ITGA4: variants seen among roughly 807,000 people sequenced by gnomAD.
ITGA4 encodes the protein integrin alpha-4.
ITGA4 carries 63 observed loss-of-function variants against 133.6 expected under a neutral mutation model. That is an observed-to-expected ratio of 0.47 (90% CI 0.38 to 0.58). ITGA4 has a LOEUF of 0.58. ITGA4 is among the 20% of genes least tolerant of loss of function. ITGA4 has a pLI of 0.00. For synonymous variants in ITGA4, 483 were observed against 438.0 expected (o/e 1.10, Z -1.28); for missense variants, 1,076 against 1,252.7 (o/e 0.86, Z 2.13).
At chr2:181,460,353 G>A (rs1182853681) in intron 2 of ITGA4, among the ~76,000 whole-genome samples, 1 of 152,170 alleles carries the variant, frequency 6.6e-6, no homozygotes, top group East Asian at 1.9e-4. Flanking sequence ...TATTCCTCAT[G>A]TAAAGAAACT....
At position 181,513,146 on chromosome 2, in the gene ITGA4, G is replaced by T. The variant is rs575892072; in HGVS notation, c.1922+1371G>T. Among the ~76,000 whole-genome samples, 26 of 151,838 alleles carry T rather than the reference G, an allele frequency of 1.7e-4. 1 individual carries two copies. The Middle Eastern group carries it at 0.014, about 80-fold the overall frequency. The stretch of plus-strand genomic sequence containing the variant: ...TGTTTTTGATGGATCTTTGGGTTTG[G>T]CACCCTAAATGGTCCTCCCTCAGCC... On this transcript the variant is annotated intron_variant, in intron 17 of 27. Transcript: ENST00000397033.
At chr2:181,490,145 C>T (rs532500847) in intron 10 of ITGA4, among the ~76,000 whole-genome samples, 10 of 152,252 alleles carry the variant, frequency 6.6e-5, no homozygotes, top group Non-Finnish European at 1.5e-4. Flanking sequence ...ATAACATAAC[C>T]AATTAGGTCG....
chr2:181,519,661 A>G (rs1224508980), intron 17 of ITGA4, among the ~76,000 whole-genome samples: 1 of 152,134 alleles, frequency 6.6e-6, no homozygotes, highest in Non-Finnish European at 1.5e-5. Context: ...CCATTAATTC[A>G]TAGGTCATTT....
intron 2 of ITGA4, among the ~76,000 whole-genome samples, chr2:181,471,329 T>C (rs1341773279): frequency 6.6e-6 from 1 of 152,202 alleles, no homozygotes; most frequent in Non-Finnish European, 1.5e-5. Context: ...ATGACAAAGA[T>C]ACAGTCCTGG....
In ITGA4 at chr2:181,505,682, C is replaced by G. The variant is rs899866313; in HGVS notation, c.1696-3976C>G. On this transcript the variant is annotated intron_variant, in intron 15 of 27. Transcript: ENST00000397033. ...GAATATCTGTCAAATACAGTTTTTGCAAGAGTGCATGTACATTTTATATAT... is the reference window on the plus strand; with the variant it reads ...GAATATCTGTCAAATACAGTTTTTGGAAGAGTGCATGTACATTTTATATAT... Among the ~76,000 whole-genome samples, 5 of 151,948 alleles carry G rather than the reference C, an allele frequency of 3.3e-5. No individual in the cohort carries two copies. The South Asian group carries it at 1.0e-3, about 31-fold the overall frequency.
intron 17 of ITGA4, among the ~76,000 whole-genome samples, chr2:181,521,687 G>C (rs1050858383): frequency 6.6e-6 from 1 of 152,130 alleles, no homozygotes; most frequent in African/African-American, 2.4e-5. Context: ...TTAGTGCCAC[G>C]CACTTGTGGG....
chr2:181,464,533 G>A (rs1685367491), intron 2 of ITGA4, among the ~76,000 whole-genome samples: 2 of 152,158 alleles, frequency 1.3e-5, no homozygotes, highest in South Asian at 4.1e-4. Context: ...CAATAGACAG[G>A]TACATAGTGA....
chr2:181,529,246 ATTGT>A (rs905762066), intron 22 of ITGA4, among the ~76,000 whole-genome samples: 4 of 133,202 alleles, frequency 3.0e-5, no homozygotes, highest in Admixed American at 7.6e-5. Flanking sequence ...ACAAATATAT[ATTGT>A]TTATGTCTCC....
At chr2:181,476,897 T>A (rs1368670425) in intron 4 of ITGA4, among the ~76,000 whole-genome samples, 2 of 152,102 alleles carry the variant, frequency 1.3e-5, no homozygotes, top group Admixed American at 1.3e-4. Context: ...TGTTCTCACT[T>A]ATAAGTGGGA....
intron 17 of ITGA4, 112 bp downstream of exon 17, chr2:181,511,887 C>T (rs1316477145): frequency 3.4e-6 from 2 of 593,388 alleles, no homozygotes; most frequent in South Asian, 2.6e-5. Context: ...AAATTAACAG[C>T]GTTTAAAGAA....
At chr2:181,498,518 A>C (rs1574398007) in intron 14 of ITGA4, 105 bp from the exon 15 acceptor site, 3 of 557,678 alleles carry the variant, frequency 5.4e-6, no homozygotes, top group Non-Finnish European at 8.9e-6. Flanking sequence ...AGAATTCCAG[A>C]TATTATTTCC....
intron 1 of ITGA4, 25 bp from the exon 2 acceptor site, chr2:181,458,171 C>T (rs928080344): frequency 5.6e-6 from 9 of 1,613,722 alleles, no homozygotes; most frequent in South Asian, 2.2e-5. Context: ...CACGTCTGAG[C>T]GCACGTGCAC....
intron 2 of ITGA4, among the ~76,000 whole-genome samples, chr2:181,460,627 A>T (rs1394890474): frequency 6.8e-6 from 1 of 146,120 alleles, no homozygotes; most frequent in Non-Finnish European, 1.5e-5. Flanking sequence ...AAATAGCTTC[A>T]GTTGTCCTGT....
chr2:181,475,047 G>A lies in ITGA4; in HGVS notation c.407G>A (p.Gly136Glu), dbSNP rs904544405. 1.9e-6 allele frequency: 3 copies of A among 1,613,900 alleles called. No individual in the cohort carries two copies. The highest frequency in any genetic ancestry group is 2.5e-6 in the Non-Finnish European group (3 of 1,179,942). The change falls in exon 3 of 28, where the codon GGA becomes GAA. Residue 136 changes from glycine to glutamate, a missense_variant. Coordinates refer to ENST00000397033, the MANE Select transcript of ITGA4 (RefSeq NM_000885.6). Reference sequence around the variant, plus strand: ...GGGGTCACACTTTCCAGACAGCCAGGAGAAAATGGATCCATCGTGGTAGGT... The same window carrying A: ...GGGGTCACACTTTCCAGACAGCCAGAAGAAAATGGATCCATCGTGGTAGGT... Reference protein sequence around the residue: ...WLGVTLSRQPGENGSIVTCGH... With the variant: ...WLGVTLSRQPEENGSIVTCGH...
chr2:181,538,498 C>CATG lies in ITGA4; in HGVS notation c.*2971_*2972insATG, dbSNP rs199943620. On this transcript the variant is annotated 3_prime_UTR_variant, in exon 28 of 28. Coordinates refer to ENST00000397033, the MANE Select transcript of ITGA4 (RefSeq NM_000885.6). ...ACCTCTGTAAAACAGTCAGTTATGC[C>CATG]TCTAGAACACCCATGTCTAGTGGGC... Among the ~76,000 whole-genome samples, 1 of 25,270 alleles carries CATG rather than the reference C, an allele frequency of 4.0e-5. No homozygotes were observed. The highest frequency in any genetic ancestry group is 1.8e-4 in the African/African-American group (1 of 5,530). The allele number at this position is 25,270 out of a possible 152,430, so 16.6% of individuals were successfully genotyped here.
rs139329131 is a variant in ITGA4 at position 181,493,543 on chromosome 2, C to G, written c.1248+124C>G. 5.7e-6 allele frequency: 3 copies of G among 530,134 alleles called. No homozygotes were observed. The African/African-American group carries it at 6.0e-5, about 11-fold the overall frequency. The allele number at this position is 530,134 out of a possible 1,614,324, so 32.8% of individuals were successfully genotyped here. A position where few individuals can be genotyped will look rare whatever the true frequency, so the allele number is the denominator to read the frequency against. On this transcript the variant is annotated intron_variant, in intron 11 of 27. Coordinates refer to ENST00000397033, the MANE Select transcript of ITGA4 (RefSeq NM_000885.6). ...TCAAATACTTAACACTTTATTTCACCGTTTACTTATAGTGGCAAATGATCT... is the reference window on the plus strand; with the variant it reads ...TCAAATACTTAACACTTTATTTCACGGTTTACTTATAGTGGCAAATGATCT...
intron 4 of ITGA4, 102 bp downstream of exon 4, chr2:181,475,390 A>G: frequency 1.1e-6 from 1 of 897,564 alleles, no homozygotes; most frequent in Non-Finnish European, 1.7e-6. Context: ...GGAGAGGGAG[A>G]TCTTCTAAGT....
At chr2:181,457,970 T>G (rs879803914) in intron 1 of ITGA4, 119 bp downstream of exon 1, 34 of 1,162,694 alleles carry the variant, frequency 2.9e-5, no homozygotes, top group Non-Finnish European at 4.1e-5. Flanking sequence ...AGGGAAACGC[T>G]GCGAGAGCCA....
chr2:181,531,071 C>T lies in ITGA4; in HGVS notation c.2664+422C>T, dbSNP rs191325371. On this transcript the variant is annotated intron_variant, in intron 24 of 27. Transcript: ENST00000397033. Reference sequence around the variant, plus strand: ...TGGAGGTTGCAGTGAGCCGAGATCACGCCACTGCACTCCAGCCTGGGTGAC... The same window carrying T: ...TGGAGGTTGCAGTGAGCCGAGATCATGCCACTGCACTCCAGCCTGGGTGAC... Among the ~76,000 whole-genome samples, 472 of 151,998 alleles carry T rather than the reference C, an allele frequency of 3.1e-3. 1 individual carries two copies. Among genetic ancestry groups the T allele is most frequent in the South Asian group, 7.1e-3 (34 of 4,810 alleles).
Sources: gnomAD v4.1 joint callset for allele counts (sites outside exome capture counted in the v4.1 genomes callset) on GRCh38, gnomAD v4.1.1 for gene constraint, MANE v1.5 for transcripts, NCBI Gene and HGNC (gene_info 2026-07-23, HGNC 2026-07-21) for gene names.